Variants in UTRN observed in about 807,000 individuals in gnomAD.
The protein encoded by UTRN is dystrophin-related protein 1.
A neutral mutation model predicts 463.9 loss-of-function variants in UTRN; 283 were observed. The ratio of observed to expected loss-of-function variants is 0.61; its 90% CI spans 0.55 to 0.67. The LOEUF is 0.67. Among genes scored for constraint, UTRN ranks in the 30% least tolerant of loss-of-function variants. UTRN has a pLI of 0.00. For synonymous variants in UTRN, 1,442 were observed against 1,431.5 expected (o/e 1.01, Z -0.17); for missense variants, 3,922 against 4,084.3 (o/e 0.96, Z 1.08).
At chr6:144,843,292 A>C (rs1372353738) in intron 73 of UTRN, among the ~76,000 whole-genome samples, 1 of 151,966 alleles carries the variant, frequency 6.6e-6, no homozygotes, top group Non-Finnish European at 1.5e-5. Flanking sequence ...TAATATATAT[A>C]AAATATATAA....
chr6:144,489,989 G>A (rs944716624), intron 30 of UTRN, 82 bp from the exon 31 acceptor site: 15 of 1,536,454 alleles, frequency 9.8e-6, no homozygotes, highest in South Asian at 3.6e-5. Context: ...ATTACACAAC[G>A]ATATAGAACT....
chr6:144,771,975 G>GGGATTGAATATTAAT lies in UTRN; in HGVS notation c.8557+7_8557+8insGGATTGAATATTAAT, dbSNP rs1439963791. The GGGATTGAATATTAAT allele has an allele frequency of 9.2e-7, 1 of 1,089,786 alleles. No homozygotes were observed. The highest frequency in any genetic ancestry group is 2.8e-5 in the Admixed American group (1 of 35,446). 67.5% of individuals were successfully genotyped at this position (1,089,786 alleles called of 1,614,324 possible). On this transcript the variant is annotated splice_region_variant and intron_variant, in intron 59 of 74. Coordinates refer to ENST00000367545, the MANE Select transcript of UTRN (RefSeq NM_007124.3). ...GAACTCTTTCAATCCCTTGGTAAGT[G>GGGATTGAATATTAAT]TTATTAATAGTAATAAATTAACCTA...
At chr6:144,543,263 T>C (rs1211420207) in intron 46 of UTRN, among the ~76,000 whole-genome samples, 1 of 152,240 alleles carries the variant, frequency 6.6e-6, no homozygotes, top group Non-Finnish European at 1.5e-5. Context: ...AATTAGACCC[T>C]GATCATGACT....
chr6:144,414,923 A>G (rs989743820), intron 3 of UTRN, among the ~76,000 whole-genome samples: 4 of 152,204 alleles, frequency 2.6e-5, no homozygotes, highest in African/African-American at 7.2e-5. Flanking sequence ...CACGTTAGCC[A>G]GGATGGTCTC....
At chr6:144,487,334 A>G (rs1461131523) in intron 28 of UTRN, among the ~76,000 whole-genome samples, 1 of 152,132 alleles carries the variant, frequency 6.6e-6, no homozygotes, top group Non-Finnish European at 1.5e-5. Flanking sequence ...ATTATATCAT[A>G]TATCACTTGT....
chr6:144,366,977 T>G (rs1584465133), intron 2 of UTRN, among the ~76,000 whole-genome samples: 2 of 152,156 alleles, frequency 1.3e-5, no homozygotes, highest in Admixed American at 1.3e-4. Context: ...ACTTGCATTT[T>G]TTTTTTGTCT....
intron 2 of UTRN, among the ~76,000 whole-genome samples, chr6:144,346,177 C>CAAAA (rs5880590): frequency 7.8e-6 from 1 of 128,544 alleles, no homozygotes; most frequent in South Asian, 2.4e-4. Context: ...AACTCTGTCT[C>CAAAA]AAAAAAAAAA....
chr6:144,561,208 TA>T (rs1191743821), intron 50 of UTRN, among the ~76,000 whole-genome samples: 82 of 3,326 alleles, frequency 0.025, no homozygotes, highest in African/African-American at 0.044. Flanking sequence ...AATAACATTA[TA>T]TATATATATA....
chr6:144,686,166 A>G (rs1342111931), intron 52 of UTRN, among the ~76,000 whole-genome samples: 1 of 151,960 alleles, frequency 6.6e-6, no homozygotes, highest in Non-Finnish European at 1.5e-5. Context: ...CCTTTTTCCA[A>G]TTTATGTTTT....
At position 144,803,241 on chromosome 6, in the gene UTRN, G is replaced by GA. The variant is rs554077051; in HGVS notation, c.9357+100dup. On this transcript the variant is annotated intron_variant, in intron 65 of 74. Coordinates refer to ENST00000367545, the MANE Select transcript of UTRN (RefSeq NM_007124.3). ...TATTTATTTAGACTTAATCTTTTTT[G>GA]AAAAAATATCACTTTGAAGATTTTT... 3.8e-4 allele frequency: 295 copies of GA among 772,384 alleles called. No homozygotes were observed. In the African/African-American group the frequency reaches 5.1e-3, roughly 13 times the overall value. The allele number at this position is 772,384 out of a possible 1,614,324, so 47.8% of individuals were successfully genotyped here. A position where few individuals can be genotyped will look rare whatever the true frequency, so the allele number is the denominator to read the frequency against.
chr6:144,644,640 T>A (rs1161866518), intron 51 of UTRN, among the ~76,000 whole-genome samples: 1 of 152,204 alleles, frequency 6.6e-6, no homozygotes, highest in African/African-American at 2.4e-5. Context: ...TTCCACAGTG[T>A]TTTTCTAAAA....
Position 144,451,688 on chromosome 6 carries a change from T to G in UTRN, c.2196+195T>G, listed in dbSNP as rs6930843. 2.4e-3 allele frequency among the ~76,000 whole-genome samples: 204 copies of G among 86,402 alleles called. 1 individual carries two copies. Among genetic ancestry groups the G allele is most frequent in the African/African-American group, 0.016 (171 of 10,584 alleles). 56.7% of individuals were successfully genotyped at this position (86,402 alleles called of 152,430 possible). On this transcript the variant is annotated intron_variant, in intron 18 of 74. Transcript: ENST00000367545. ...TCATCAGATCCCTATTTGGAGGACG[T>G]TTTTTTTTTTTCATCTTTGTCAGTC...
chr6:144,561,784 T>C (rs940760072), intron 50 of UTRN, among the ~76,000 whole-genome samples: 2 of 152,090 alleles, frequency 1.3e-5, no homozygotes, highest in Non-Finnish European at 2.9e-5. Flanking sequence ...TGTGTAAAAG[T>C]TCTTGGTAGG....
intron 61 of UTRN, among the ~76,000 whole-genome samples, chr6:144,782,487 G>A (rs1185073577): frequency 6.6e-6 from 1 of 151,876 alleles, no homozygotes; most frequent in African/African-American, 2.4e-5. Context: ...TCTGTTTATT[G>A]TTATGAATTA....
At chr6:144,454,012 C>T in intron 19 of UTRN, 143 bp downstream of exon 19, 1 of 678,822 alleles carries the variant, frequency 1.5e-6, no homozygotes, top group Non-Finnish European at 2.4e-6. Context: ...TTTTAGGCAG[C>T]AGAATCTTTA....
At position 144,451,580 on chromosome 6, in the gene UTRN, C is replaced by T. The variant is rs1213864119; in HGVS notation, c.2196+87C>T. The T allele has an allele frequency of 9.8e-6, 14 of 1,424,450 alleles. No homozygotes were observed. In the Admixed American group the frequency reaches 3.3e-4, roughly 34 times the overall value. The allele number at this position is 1,424,450 out of a possible 1,614,324, so 88.2% of individuals were successfully genotyped here. ...GCTGGCATAAAGACATTATGGAATT[C>T]AAAAGCCTCCTGTAAAATAAATGTA... On this transcript the variant is annotated intron_variant, in intron 18 of 74. Coordinates refer to ENST00000367545, the MANE Select transcript of UTRN (RefSeq NM_007124.3).
chr6:144,631,352 C>T (rs901464762), intron 51 of UTRN, among the ~76,000 whole-genome samples: 4 of 151,932 alleles, frequency 2.6e-5, no homozygotes, highest in Admixed American at 1.3e-4. Flanking sequence ...TGGCCAACTC[C>T]AGCAATGCTG....
intron 2 of UTRN, among the ~76,000 whole-genome samples, chr6:144,334,523 C>T (rs570180028): frequency 6.6e-6 from 1 of 152,138 alleles, no homozygotes; most frequent in South Asian, 2.1e-4. Flanking sequence ...GTTTGGGGTT[C>T]TAGGGGAGGG....
intron 53 of UTRN, among the ~76,000 whole-genome samples, chr6:144,713,456 T>C (rs886449202): frequency 8.9e-5 from 12 of 134,760 alleles, no homozygotes; most frequent in African/African-American, 3.6e-4. Context: ...AAAAAAAAAA[T>C]CAAAAAAATC....
Sources: allele counts gnomAD v4.1 joint callset (sites outside exome capture counted in the v4.1 genomes callset), GRCh38; gene constraint gnomAD v4.1.1; transcripts MANE v1.5; gene names NCBI Gene and HGNC (gene_info 2026-07-23, HGNC 2026-07-21).